Variants in GRIN2B observed in about 807,000 individuals in gnomAD.
GRIN2B encodes the protein glutamate receptor ionotropic, NMDA 2B.
Under a neutral mutation model 114.5 loss-of-function variants are expected in GRIN2B, and 5 were observed. That is an observed-to-expected ratio of 0.04 (90% CI 0.02 to 0.09). The LOEUF is 0.09. GRIN2B is among the 10% of genes least tolerant of loss of function. GRIN2B has a pLI of 1.00. For synonymous variants in GRIN2B, 787 were observed against 745.1 expected (o/e 1.06, Z -0.92); for missense variants, 1,108 against 1,943.5 (o/e 0.57, Z 8.08).
At chr12:13,673,209 G>T (rs1950039592) in intron 5 of GRIN2B, among the ~76,000 whole-genome samples, 1 of 152,130 alleles carries the variant, frequency 6.6e-6, no homozygotes, top group Non-Finnish European at 1.5e-5. Context: ...TTCAAAGGAT[G>T]GTTATGATTA....
intron 3 of GRIN2B, among the ~76,000 whole-genome samples, chr12:13,788,851 A>G (rs1378394116): frequency 6.6e-6 from 1 of 152,150 alleles, no homozygotes; most frequent in Non-Finnish European, 1.5e-5. Flanking sequence ...TTTTTCTCCA[A>G]GGAAGACCTG....
intron 2 of GRIN2B, among the ~76,000 whole-genome samples, chr12:13,908,927 G>C (rs1866587030): frequency 6.6e-6 from 1 of 152,200 alleles, no homozygotes; most frequent in African/African-American, 2.4e-5. Context: ...GAAGGGAAGA[G>C]CCACTATCAT....
rs1202354320 is a variant in GRIN2B, at chr12:13,552,112, AG to A, written c.*10670del. 6.6e-6 allele frequency: 1 copy of A among 152,140 alleles called. No individual in the cohort carries two copies. The highest frequency in any genetic ancestry group is 2.4e-5 in the African/African-American group (1 of 41,410). 9.4% of individuals were successfully genotyped at this position (152,140 alleles called of 1,614,324 possible). A position where few individuals can be genotyped will look rare whatever the true frequency, so the allele number is the denominator to read the frequency against. ...CAGAGACTATGAATCTCTTACTGCA[AG>A]GGGGACAGATGGAGTCACAGCCTGG... On this transcript the variant is annotated 3_prime_UTR_variant, in exon 14 of 14. Coordinates refer to ENST00000609686, the MANE Select transcript of GRIN2B (RefSeq NM_000834.5).
chr12:13,792,092 T>C (rs1177336143), intron 3 of GRIN2B, among the ~76,000 whole-genome samples: 2 of 152,258 alleles, frequency 1.3e-5, no homozygotes. Flanking sequence ...TCACTTAACA[T>C]AAGCCTCAAA....
intron 10 of GRIN2B, among the ~76,000 whole-genome samples, chr12:13,574,173 C>T (rs1948743825): frequency 6.6e-6 from 1 of 152,144 alleles, no homozygotes; most frequent in Non-Finnish European, 1.5e-5. Context: ...CAGATCAGAG[C>T]TCAATTCGCC....
Position 13,547,977 on chromosome 12 carries a change from A to ATTTTTTTTT in GRIN2B, c.*14805_*14806insAAAAAAAAA, listed in dbSNP as rs201147007. On this transcript the variant is annotated 3_prime_UTR_variant, in exon 14 of 14. Coordinates refer to ENST00000609686, the MANE Select transcript of GRIN2B (RefSeq NM_000834.5). Reference sequence around the variant, plus strand: ...TGTGTGTGTATATATATATATATATATATATTTTTTTTTTTTTTCTGAAAG... The same window carrying ATTTTTTTTT: ...TGTGTGTGTATATATATATATATATATTTTTTTTTTATATTTTTTTTTTTTTTCTGAAAG... 5 of 57,382 alleles carry ATTTTTTTTT rather than the reference A, an allele frequency of 8.7e-5. No homozygotes were observed. The highest frequency in any genetic ancestry group is 2.3e-4 in the Admixed American group (1 of 4,360). 3.6% of individuals were successfully genotyped at this position (57,382 alleles called of 1,614,324 possible).
intron 2 of GRIN2B, among the ~76,000 whole-genome samples, chr12:13,937,203 A>AT (rs1006336636): frequency 3.3e-5 from 5 of 151,276 alleles, no homozygotes; most frequent in East Asian, 1.9e-4. Context: ...GTCCCAAAAG[A>AT]TTTTTTTTTA....
intron 3 of GRIN2B, among the ~76,000 whole-genome samples, chr12:13,833,275 A>G (rs1865186755): frequency 6.6e-6 from 1 of 152,134 alleles, no homozygotes; most frequent in Non-Finnish European, 1.5e-5. Context: ...CAATCCTTCC[A>G]CTCAGAGGTA....
chr12:13,853,345 T>C (rs752066447), intron 3 of GRIN2B, among the ~76,000 whole-genome samples: 1 of 152,180 alleles, frequency 6.6e-6, no homozygotes, highest in Non-Finnish European at 1.5e-5. Flanking sequence ...AGAAAGTATG[T>C]TGTTTGGAGA....
chr12:13,565,921 C>CT (rs1489095675), intron 13 of GRIN2B, among the ~76,000 whole-genome samples: 3 of 152,200 alleles, frequency 2.0e-5, no homozygotes, highest in South Asian at 2.1e-4. Flanking sequence ...AATTCCAAGC[C>CT]TTTTTTCCTC....
chr12:13,912,895 A>G (rs890667667), intron 2 of GRIN2B, among the ~76,000 whole-genome samples: 2 of 152,072 alleles, frequency 1.3e-5, no homozygotes, highest in African/African-American at 4.8e-5. Context: ...CCCCCTCCTC[A>G]ATGTCTCTGC....
At chr12:13,889,982 T>A (rs1046694648) in intron 2 of GRIN2B, among the ~76,000 whole-genome samples, 1 of 152,166 alleles carries the variant, frequency 6.6e-6, no homozygotes, top group South Asian at 2.1e-4. Flanking sequence ...AACAATAGGC[T>A]GGCACCCTCC....
intron 2 of GRIN2B, among the ~76,000 whole-genome samples, chr12:13,892,391 T>C (rs552870880): frequency 3.3e-4 from 50 of 152,308 alleles, no homozygotes; most frequent in African/African-American, 1.2e-3. Flanking sequence ...TTATAAAGAA[T>C]ATTATTTTAA....
chr12:13,654,570 C>T (rs1214945224), intron 5 of GRIN2B, among the ~76,000 whole-genome samples: 13 of 152,094 alleles, frequency 8.5e-5, no homozygotes, highest in Admixed American at 7.9e-4. Flanking sequence ...GGACTGGCTC[C>T]CCCAAACTGC....
chr12:13,574,391 A>G (rs991188589), intron 10 of GRIN2B, among the ~76,000 whole-genome samples: 1 of 152,256 alleles, frequency 6.6e-6, no homozygotes, highest in African/African-American at 2.4e-5. Context: ...ACTCCTTTTA[A>G]TCAGTAATTC....
At chr12:13,865,263 A>G (rs557248826) in intron 3 of GRIN2B, among the ~76,000 whole-genome samples, 10 of 152,308 alleles carry the variant, frequency 6.6e-5, no homozygotes, top group African/African-American at 2.4e-4. Context: ...TCCATTTACA[A>G]ACAAGTGGAC....
At chr12:13,870,597 C>A (rs1865889048) in intron 2 of GRIN2B, among the ~76,000 whole-genome samples, 1 of 152,078 alleles carries the variant, frequency 6.6e-6, no homozygotes, top group Non-Finnish European at 1.5e-5. Flanking sequence ...CCTGGGGCAA[C>A]CACAACTGGA....
intron 4 of GRIN2B, among the ~76,000 whole-genome samples, chr12:13,741,693 T>A (rs1440162188): frequency 6.6e-6 from 1 of 152,174 alleles, no homozygotes; most frequent in Admixed American, 6.5e-5. Flanking sequence ...TTGCTGGGAC[T>A]ACAGGTGCAT....
Position 13,537,920 on chromosome 12 carries a change from T to G in GRIN2B, c.*24863A>C, listed in dbSNP as rs1160324792. ...TTGATGCAGGCCACAAATGATAGCT[T>G]TGGCATAATTTTTTTGACAGGCCCT... On this transcript the variant is annotated 3_prime_UTR_variant, in exon 14 of 14. Transcript: ENST00000609686. 3.9e-5 allele frequency: 6 copies of G among 152,200 alleles called. No individual in the cohort carries two copies. Among genetic ancestry groups the G allele is most frequent in the Admixed American group, 3.9e-4 (6 of 15,286 alleles). 9.4% of individuals were successfully genotyped at this position (152,200 alleles called of 1,614,324 possible).
Sources: gnomAD v4.1 joint callset for allele counts (sites outside exome capture counted in the v4.1 genomes callset) on GRCh38, gnomAD v4.1.1 for gene constraint, MANE v1.5 for transcripts, NCBI Gene and HGNC (gene_info 2026-07-23, HGNC 2026-07-21) for gene names.